ATRNL1: variants seen among roughly 807,000 people sequenced by gnomAD.
ATRNL1 encodes the protein attractin-like protein 1.
A neutral mutation model predicts 182.7 loss-of-function variants in ATRNL1; 95 were observed. The observed-to-expected ratio is 0.52, with a 90% confidence interval of 0.44 to 0.62. The LOEUF (loss-of-function observed/expected upper bound fraction) is 0.62. Among genes scored for constraint, ATRNL1 ranks in the 20% least tolerant of loss-of-function variants. ATRNL1 has a pLI of 0.00. For synonymous variants in ATRNL1, 576 were observed against 568.3 expected (o/e 1.01, Z -0.19); for missense variants, 1,471 against 1,679.5 (o/e 0.88, Z 2.17).
rs79110806 is a variant in ATRNL1 at position 115,619,650 on chromosome 10, C to G, written c.3795+70114C>G. Among the ~76,000 whole-genome samples, 149 of 152,242 alleles carry G rather than the reference C, an allele frequency of 9.8e-4. 3 individuals carry two copies. In the East Asian group the frequency reaches 0.027, roughly 28 times the overall value. ...TAGAATTTTAAACTTCATGTTTAAC[C>G]ATTTATTTTTCAGTATCTTATCTCA... On this transcript the variant is annotated intron_variant, in intron 26 of 28. Coordinates refer to ENST00000355044, the MANE Select transcript of ATRNL1 (RefSeq NM_207303.4).
At chr10:115,391,971 G>C (rs1844050951) in intron 19 of ATRNL1, among the ~76,000 whole-genome samples, 1 of 151,998 alleles carries the variant, frequency 6.6e-6, no homozygotes, top group Non-Finnish European at 1.5e-5. Flanking sequence ...ATATATGCTG[G>C]TTTTTAAAAA....
chr10:115,728,813 AT>A (rs1161195880), intron 27 of ATRNL1, among the ~76,000 whole-genome samples: 1 of 152,174 alleles, frequency 6.6e-6, no homozygotes, highest in African/African-American at 2.4e-5. Context: ...TTGTGTGTAT[AT>A]CTTCTATTTG....
intron 18 of ATRNL1, among the ~76,000 whole-genome samples, chr10:115,320,358 A>C (rs782220996): frequency 2.6e-5 from 4 of 151,798 alleles, no homozygotes; most frequent in Admixed American, 2.0e-4. Context: ...AGAGAATCTG[A>C]TGGTTATGTG....
intron 10 of ATRNL1, among the ~76,000 whole-genome samples, chr10:115,255,244 A>G (rs1851067877): frequency 1.3e-5 from 2 of 152,250 alleles, no homozygotes; most frequent in Non-Finnish European, 2.9e-5. Flanking sequence ...CATTTTCACG[A>G]TACTGATTCT....
chr10:115,104,997 A>G (rs1843941052), intron 1 of ATRNL1, among the ~76,000 whole-genome samples: 1 of 151,874 alleles, frequency 6.6e-6, no homozygotes, highest in Non-Finnish European at 1.5e-5. Flanking sequence ...TGATGCTTCC[A>G]GTATTGCTCT....
intron 5 of ATRNL1, among the ~76,000 whole-genome samples, chr10:115,156,444 G>A (rs1346472200): frequency 6.6e-6 from 1 of 152,114 alleles, no homozygotes; most frequent in Non-Finnish European, 1.5e-5. Flanking sequence ...AGATATCCAA[G>A]TGGAAATGTA....
At chr10:115,312,795 T>C (rs552268256) in intron 17 of ATRNL1, among the ~76,000 whole-genome samples, 1 of 152,258 alleles carries the variant, frequency 6.6e-6, no homozygotes, top group African/African-American at 2.4e-5. Flanking sequence ...GGAGACTTTG[T>C]TCCTTTTTTA....
chr10:115,799,751 CTACAT>C (rs1555083886), intron 27 of ATRNL1, among the ~76,000 whole-genome samples: 1 of 152,146 alleles, frequency 6.6e-6, no homozygotes, highest in Non-Finnish European at 1.5e-5. Context: ...TAACACAACC[CTACAT>C]TTTACACAGC....
chr10:115,702,320 T>C (rs893927166), intron 26 of ATRNL1, among the ~76,000 whole-genome samples: 1 of 152,030 alleles, frequency 6.6e-6, no homozygotes, highest in African/African-American at 2.4e-5. Context: ...TAATACTGAA[T>C]GGGCAAAAGC....
chr10:115,631,572 G>T (rs77467743), intron 26 of ATRNL1, among the ~76,000 whole-genome samples: 2 of 152,220 alleles, frequency 1.3e-5, no homozygotes, highest in Non-Finnish European at 2.9e-5. Context: ...GAGACACTTT[G>T]AAATGCTGTA....
intron 27 of ATRNL1, among the ~76,000 whole-genome samples, chr10:115,735,326 A>C (rs1210433028): frequency 6.6e-6 from 1 of 152,142 alleles, no homozygotes; most frequent in Admixed American, 6.5e-5. Flanking sequence ...CATTCTAGTT[A>C]TCTTTCAGTG....
At chr10:115,660,411 G>A (rs1860609017) in intron 26 of ATRNL1, among the ~76,000 whole-genome samples, 1 of 152,128 alleles carries the variant, frequency 6.6e-6, no homozygotes. Flanking sequence ...GTGGAGGTGT[G>A]TAGTAATTAT....
chr10:115,839,272 G>A (rs1289496377), intron 27 of ATRNL1, among the ~76,000 whole-genome samples: 4 of 152,092 alleles, frequency 2.6e-5, no homozygotes, highest in African/African-American at 4.8e-5. Flanking sequence ...GGGATGATGC[G>A]CACATCTTGA....
At chr10:115,527,074 A>G (rs574553760) in intron 25 of ATRNL1, among the ~76,000 whole-genome samples, 1 of 151,134 alleles carries the variant, frequency 6.6e-6, no homozygotes, top group Non-Finnish European at 1.5e-5. Flanking sequence ...AGCTGGGGCC[A>G]CTAGTCAGTT....
At chr10:115,530,355 T>G (rs1274512335) in intron 25 of ATRNL1, among the ~76,000 whole-genome samples, 2 of 152,192 alleles carry the variant, frequency 1.3e-5, no homozygotes, top group Non-Finnish European at 2.9e-5. Context: ...GGATCAGACA[T>G]TTATTTTTTC....
chr10:115,681,602 T>C (rs562355640), intron 26 of ATRNL1, among the ~76,000 whole-genome samples: 83 of 152,186 alleles, frequency 5.5e-4, no homozygotes, highest in African/African-American at 1.9e-3. Context: ...GATCATCAAA[T>C]TGAACCATCT....
At chr10:115,501,510 A>T (rs1351992527) in intron 24 of ATRNL1, among the ~76,000 whole-genome samples, 1 of 152,190 alleles carries the variant, frequency 6.6e-6, no homozygotes, top group African/African-American at 2.4e-5. Context: ...TGCTTTGGTA[A>T]AAATAACCCA....
Position 115,137,705 on chromosome 10 carries a change from C to T in ATRNL1, c.829+8170C>T, listed in dbSNP as rs369116416. 2.6e-4 allele frequency among the ~76,000 whole-genome samples: 39 copies of T among 152,282 alleles called. 1 individual carries two copies. The South Asian group carries it at 8.1e-3, about 32-fold the overall frequency. On this transcript the variant is annotated intron_variant, in intron 5 of 28. Coordinates refer to ENST00000355044, the MANE Select transcript of ATRNL1 (RefSeq NM_207303.4). ...ATGATTCAGTTACCTCCTACTGGGT[C>T]CCGCCCAAAACACATGGGAATTCAA...
At chr10:115,661,915 TC>T (rs1555037972) in intron 26 of ATRNL1, among the ~76,000 whole-genome samples, 1 of 76,344 alleles carries the variant, frequency 1.3e-5, no homozygotes, top group Non-Finnish European at 2.6e-5. Context: ...ATGCTATCCC[TC>T]CCCCCTCCCC....
Sources: allele counts gnomAD v4.1 joint callset (sites outside exome capture counted in the v4.1 genomes callset), GRCh38; gene constraint gnomAD v4.1.1; transcripts MANE v1.5; gene names NCBI Gene and HGNC (gene_info 2026-07-23, HGNC 2026-07-21).